Variants in HTR1F observed in about 807,000 individuals in gnomAD.
The protein encoded by HTR1F is 5-hydroxytryptamine (serotonin) receptor 1F, G protein-coupled.
Under a neutral mutation model 24.0 loss-of-function variants are expected in HTR1F, and 17 were observed. The ratio of observed to expected loss-of-function variants is 0.71; its 90% CI spans 0.48 to 1.06. The LOEUF (loss-of-function observed/expected upper bound fraction) is 1.06. Among genes scored for constraint, HTR1F ranks in the 50% least tolerant of loss-of-function variants. The probability of loss-of-function intolerance (pLI) is 0.00; values close to 1 mark genes in which losing one functional copy is unlikely to be tolerated. For synonymous variants in HTR1F, 186 were observed against 156.8 expected, an observed-to-expected ratio of 1.19 and a Z score of -1.39; for missense variants, 391 against 427.8, an observed-to-expected ratio of 0.91 and a Z score of 0.76.
chr3:87,891,325 TTC>T (rs1175274257), intron 2 of HTR1F, among the ~76,000 whole-genome samples: 5 of 152,228 alleles, frequency 3.3e-5, no homozygotes, highest in Non-Finnish European at 7.3e-5. Context: ...TTCTCCATTT[TTC>T]TTTGATCAGT....
intron 2 of HTR1F, among the ~76,000 whole-genome samples, chr3:87,944,492 T>A (rs1186064957): frequency 2.0e-5 from 3 of 152,154 alleles, no homozygotes; most frequent in Admixed American, 6.5e-5. Context: ...CCTCAACCAC[T>A]TGGGAGGAAC....
chr3:87,960,476 G>T (rs1334655113), intron 2 of HTR1F, among the ~76,000 whole-genome samples: 1 of 151,908 alleles, frequency 6.6e-6, no homozygotes, highest in Non-Finnish European at 1.5e-5. Context: ...GGATTTTTGT[G>T]AGTAGGGAAA....
Position 87,988,586 on chromosome 3 carries a change from C to CTTG in HTR1F, c.-42-2110_-42-2108dup, listed in dbSNP as rs1035920595. On this transcript the variant is annotated intron_variant, in intron 2 of 2. Coordinates refer to ENST00000319595, the MANE Select transcript of HTR1F (RefSeq NM_001322209.2). ...TTTTTTGTTTTGGTTTGTTGTTGTT[C>CTTG]TTGTTGTTGTTGTTTGAGATGGTGT... Among the ~76,000 whole-genome samples the CTTG allele has an allele frequency of 3.9e-5, 6 of 152,000 alleles. No individual in the cohort carries two copies. The South Asian group carries it at 6.2e-4, about 16-fold the overall frequency.
chr3:87,906,137 TTCCAATATATAACTCAGGGTA>T (rs891415316), intron 2 of HTR1F, among the ~76,000 whole-genome samples: 1 of 152,136 alleles, frequency 6.6e-6, no homozygotes, highest in Non-Finnish European at 1.5e-5. Context: ...AAAAAAAGTG[TTCCAATATATAACTCAGGGTA>T]AAAATACCAA....
At chr3:87,814,890 T>C (rs1386225238) in intron 1 of HTR1F, among the ~76,000 whole-genome samples, 1 of 152,100 alleles carries the variant, frequency 6.6e-6, no homozygotes, top group Non-Finnish European at 1.5e-5. Context: ...TACTCTTATA[T>C]AGGAGGGAGA....
chr3:87,931,501 A>G (rs1021475745), intron 2 of HTR1F, among the ~76,000 whole-genome samples: 24 of 152,258 alleles, frequency 1.6e-4, no homozygotes, highest in South Asian at 4.2e-4. Context: ...TAGTGCTGCA[A>G]TAAACATACG....
intron 1 of HTR1F, among the ~76,000 whole-genome samples, chr3:87,804,434 G>A (rs916832031): frequency 6.6e-6 from 1 of 151,990 alleles, no homozygotes; most frequent in African/African-American, 2.4e-5. Flanking sequence ...CTCTAAAATT[G>A]TATAACAGCA....
chr3:87,991,778 T>C lies in HTR1F; in HGVS notation c.1029T>C (p.Asn343=), dbSNP rs757026676. The change falls in exon 3 of 3, where the codon AAT becomes AAC. Residue 343 remains asparagine (N), a synonymous_variant. Coordinates refer to ENST00000319595, the MANE Select transcript of HTR1F (RefSeq NM_001322209.2). ...TTGGGTATCTCAATTCCCTTATAAA[T>C]CCACTGATTTACACAATCTTTAATG... ...AWLGYLNSLI[N]PLIYTIFNED... 6.2e-7 allele frequency: 1 copy of C among 1,612,206 alleles called. No individual in the cohort carries two copies. Among genetic ancestry groups the C allele is most frequent in the Non-Finnish European group, 8.5e-7 (1 of 1,179,244 alleles).
chr3:87,811,469 A>T (rs1265576572), intron 1 of HTR1F, among the ~76,000 whole-genome samples: 4 of 152,222 alleles, frequency 2.6e-5, no homozygotes, highest in Non-Finnish European at 5.9e-5. Flanking sequence ...AGGATATGAC[A>T]ATGATTTCTC....
intron 1 of HTR1F, among the ~76,000 whole-genome samples, chr3:87,800,810 T>C (rs1476950142): frequency 1.3e-5 from 2 of 152,216 alleles, no homozygotes; most frequent in East Asian, 1.9e-4. Flanking sequence ...TCTTGGTTCA[T>C]TGGTACTCTG....
Position 87,990,690 on chromosome 3 carries a change from T to G in HTR1F, c.-42-18T>G. On this transcript the variant is annotated intron_variant, in intron 2 of 2. Coordinates refer to ENST00000319595, the MANE Select transcript of HTR1F (RefSeq NM_001322209.2). ...TTGAAGCCTTCTCTGAACTGTTTTTTCTCTTCCCTTGTTACAGGTATCCAT... is the reference window on the plus strand; with the variant it reads ...TTGAAGCCTTCTCTGAACTGTTTTTGCTCTTCCCTTGTTACAGGTATCCAT... 7.5e-7 allele frequency: 1 copy of G among 1,324,878 alleles called. No individual in the cohort carries two copies. Among genetic ancestry groups the G allele is most frequent in the Non-Finnish European group, 1.1e-6 (1 of 948,310 alleles). 82.1% of individuals were successfully genotyped at this position (1,324,878 alleles called of 1,614,324 possible).
At chr3:87,863,654 T>C (rs1457336500) in intron 2 of HTR1F, among the ~76,000 whole-genome samples, 1 of 152,176 alleles carries the variant, frequency 6.6e-6, no homozygotes, top group Admixed American at 6.5e-5. Context: ...TTCAAGGAAA[T>C]CAATTTTTCT....
intron 2 of HTR1F, among the ~76,000 whole-genome samples, chr3:87,889,860 T>C (rs1184714353): frequency 2.0e-5 from 3 of 152,248 alleles, no homozygotes; most frequent in Admixed American, 2.0e-4. Flanking sequence ...TGATAGCTTT[T>C]GAGTTTAGAT....
chr3:87,862,937 C>T (rs1312024083), intron 2 of HTR1F, among the ~76,000 whole-genome samples: 1 of 152,088 alleles, frequency 6.6e-6, no homozygotes, highest in African/African-American at 2.4e-5. Flanking sequence ...CTGCTTCAGC[C>T]TCCAGAGTAG....
rs1705812879 is a variant in HTR1F, at chr3:87,991,068, T to G, written c.319T>G (p.Cys107Gly). The part of the protein sequence containing the change: ...DIWLSVDITC[C>G]TCSILHLSAI... ...TTGGCTGAGTGTTGACATTACCTGC[T>G]GCACGTGCTCCATCTTGCATCTCTC... Residue 107 changes from cysteine (C) to glycine (G), a missense_variant, in exon 3 of 3, where the codon TGC (cysteine) becomes GGC (glycine). Physicochemically the swap from Cys to Gly is radical, Grantham distance 159. Transcript: ENST00000319595. 1 of 1,613,876 alleles carries G rather than the reference T, an allele frequency of 6.2e-7. No homozygotes were observed. The highest frequency in any genetic ancestry group is 1.7e-5 in the Admixed American group (1 of 59,992).
chr3:87,819,916 A>T (rs1279491170), intron 1 of HTR1F, among the ~76,000 whole-genome samples: 2 of 152,112 alleles, frequency 1.3e-5, no homozygotes, highest in Non-Finnish European at 2.9e-5. Context: ...AAATGAGAAC[A>T]ATTTAACTCT....
intron 2 of HTR1F, among the ~76,000 whole-genome samples, chr3:87,902,673 G>A (rs1355361958): frequency 1.3e-5 from 2 of 150,990 alleles, no homozygotes; most frequent in East Asian, 2.0e-4. Flanking sequence ...ATGTATACAT[G>A]TGCCATGCTG....
intron 2 of HTR1F, among the ~76,000 whole-genome samples, chr3:87,899,715 T>C (rs1706280577): frequency 6.6e-6 from 1 of 151,856 alleles, no homozygotes; most frequent in Non-Finnish European, 1.5e-5. Context: ...ATACAAAAAA[T>C]TTAGACAGGC....
intron 2 of HTR1F, among the ~76,000 whole-genome samples, chr3:87,906,039 G>A (rs946994818): frequency 1.3e-5 from 2 of 151,942 alleles, no homozygotes; most frequent in Non-Finnish European, 2.9e-5. Context: ...ACCTTATAAG[G>A]ATTAATTGAA....
Sources: allele counts gnomAD v4.1 joint callset (sites outside exome capture counted in the v4.1 genomes callset), GRCh38; gene constraint gnomAD v4.1.1; transcripts MANE v1.5; gene names NCBI Gene and HGNC (gene_info 2026-07-23, HGNC 2026-07-21).